EXOC6: variants seen among roughly 807,000 people sequenced by gnomAD.
EXOC6 encodes the protein exocyst complex component 6.
A neutral mutation model predicts 112.5 loss-of-function variants in EXOC6; 60 were observed. The observed-to-expected ratio is 0.53, with a 90% CI of 0.43 to 0.66. The LOEUF is 0.66. Ranked by LOEUF, EXOC6 falls within the 30% of genes least tolerant of loss-of-function variation. The pLI is 0.00. For missense variants in EXOC6, 855 were observed against 957.1 expected, an observed-to-expected ratio of 0.89 and a Z score of 1.41; for synonymous variants, 295 against 308.0, an observed-to-expected ratio of 0.96 and a Z score of 0.44.
chr10:92,976,342 T>A (rs1415853200), intron 18 of EXOC6, among the ~76,000 whole-genome samples: 1 of 152,218 alleles, frequency 6.6e-6, no homozygotes, highest in East Asian at 1.9e-4. Flanking sequence ...AAAATACTTA[T>A]CCTGTTGATC....
chr10:92,891,862 A>G (rs891188483), intron 1 of EXOC6, among the ~76,000 whole-genome samples: 11 of 152,298 alleles, frequency 7.2e-5, no homozygotes, highest in East Asian at 1.9e-4. Context: ...AAAACCTAAG[A>G]CAGAGGCTAC....
chr10:92,908,281 T>C lies in EXOC6; in HGVS notation c.459-1146T>C, dbSNP rs568052236. Reference sequence around the variant, plus strand: ...CATTGGCCAGGCTGGTCTCGAATTCTTGATCTCAGGTGACCCGCCCACCTT... The same window carrying C: ...CATTGGCCAGGCTGGTCTCGAATTCCTGATCTCAGGTGACCCGCCCACCTT... On this transcript the variant is annotated intron_variant, in intron 5 of 21. Coordinates refer to ENST00000260762, the MANE Select transcript of EXOC6 (RefSeq NM_019053.6). Among the ~76,000 whole-genome samples the C allele has an allele frequency of 3.9e-5, 6 of 152,036 alleles. No homozygotes were observed. The East Asian group carries it at 1.2e-3, about 30-fold the overall frequency.
intron 17 of EXOC6, among the ~76,000 whole-genome samples, chr10:92,956,717 TA>T (rs1247690655): frequency 6.6e-6 from 1 of 152,118 alleles, no homozygotes; most frequent in Non-Finnish European, 1.5e-5. Context: ...AATTAGCTAT[TA>T]AAACTTAGAA....
At chr10:92,827,703 C>T (rs1448210047) in intron 1 of EXOC6, among the ~76,000 whole-genome samples, 1 of 151,988 alleles carries the variant, frequency 6.6e-6, no homozygotes, top group East Asian at 1.9e-4. Context: ...CAGAAGATCC[C>T]CTCACAGACC....
At chr10:93,018,304 T>G (rs189586032) in intron 20 of EXOC6, among the ~76,000 whole-genome samples, 1,593 of 152,274 alleles carry the variant, frequency 0.01, 103 homozygotes, top group Admixed American at 0.092. Context: ...GGTGAATATG[T>G]TTTTTAAATG....
At chr10:92,932,197 G>A (rs1235829940) in intron 9 of EXOC6, among the ~76,000 whole-genome samples, 1 of 152,120 alleles carries the variant, frequency 6.6e-6, no homozygotes, top group Non-Finnish European at 1.5e-5. Context: ...TTCATATGCA[G>A]TAAAGTTATA....
intron 1 of EXOC6, among the ~76,000 whole-genome samples, chr10:92,836,925 T>C (rs1194629028): frequency 6.6e-6 from 1 of 152,234 alleles, no homozygotes; most frequent in Non-Finnish European, 1.5e-5. Context: ...CTCTTCTTTC[T>C]GCCTGCTAAA....
At chr10:92,991,530 T>C (rs1455875814) in intron 18 of EXOC6, among the ~76,000 whole-genome samples, 2 of 151,978 alleles carry the variant, frequency 1.3e-5, no homozygotes, top group African/African-American at 4.8e-5. Context: ...AGCTAAAAAT[T>C]TGGATACTGC....
intron 5 of EXOC6, among the ~76,000 whole-genome samples, chr10:92,907,976 A>G (rs990688744): frequency 6.6e-6 from 1 of 151,156 alleles, no homozygotes; most frequent in Non-Finnish European, 1.5e-5. Context: ...TTTTGTCACA[A>G]TTTGCAGAAT....
At chr10:92,877,894 A>AT (rs1477606740) in intron 1 of EXOC6, among the ~76,000 whole-genome samples, 1 of 152,216 alleles carries the variant, frequency 6.6e-6, no homozygotes, top group East Asian at 1.9e-4. Flanking sequence ...TACAAACCTC[A>AT]TGTTGCATAG....
At chr10:92,860,519 CCA>C (rs1473067805) in intron 1 of EXOC6, among the ~76,000 whole-genome samples, 10 of 152,122 alleles carry the variant, frequency 6.6e-5, no homozygotes, top group African/African-American at 2.2e-4. Context: ...CCTCGGCCTC[CCA>C]AAGTGCTGGG....
intron 18 of EXOC6, among the ~76,000 whole-genome samples, chr10:92,996,071 T>G (rs993218486): frequency 1.3e-5 from 2 of 152,288 alleles, no homozygotes; most frequent in Non-Finnish European, 2.9e-5. Flanking sequence ...TGGTCACGAT[T>G]TTGTAGCTTT....
chr10:92,950,623 A>G (rs1197479253), intron 14 of EXOC6, among the ~76,000 whole-genome samples: 1 of 148,894 alleles, frequency 6.7e-6, no homozygotes, highest in Admixed American at 8.1e-5. Flanking sequence ...AAGGCTGCAT[A>G]AAGGTCAAAG....
At chr10:92,968,181 C>T (rs1050252275) in intron 17 of EXOC6, among the ~76,000 whole-genome samples, 41 of 75,302 alleles carry the variant, frequency 5.4e-4, no homozygotes, top group Middle Eastern at 8.2e-3. Context: ...TAGTGTTTCA[C>T]CTTTTTTTTT....
At chr10:92,860,887 G>A (rs1003665669) in intron 1 of EXOC6, among the ~76,000 whole-genome samples, 1 of 150,780 alleles carries the variant, frequency 6.6e-6, no homozygotes, top group African/African-American at 2.5e-5. Flanking sequence ...TCCTCCTTTT[G>A]ACTATTGTGA....
intron 18 of EXOC6, among the ~76,000 whole-genome samples, chr10:92,979,451 C>G (rs1279589139): frequency 6.6e-6 from 1 of 152,160 alleles, no homozygotes; most frequent in Non-Finnish European, 1.5e-5. Flanking sequence ...TCTCTGCTCA[C>G]AGGACATGAG....
intron 14 of EXOC6, among the ~76,000 whole-genome samples, chr10:92,949,671 C>T (rs964756665): frequency 6.6e-6 from 1 of 151,534 alleles, no homozygotes; most frequent in African/African-American, 2.4e-5. Flanking sequence ...CGGCTTACTG[C>T]AACCTCTGCC....
At chr10:92,937,352 C>CAAT in intron 12 of EXOC6, among the ~76,000 whole-genome samples, 1 of 152,130 alleles carries the variant, frequency 6.6e-6, no homozygotes, top group East Asian at 1.9e-4. Flanking sequence ...GATTATGCAG[C>CAAT]ATTTTCCCAA....
intron 20 of EXOC6, among the ~76,000 whole-genome samples, chr10:93,018,872 AT>A (rs1044978915): frequency 1.3e-5 from 2 of 151,770 alleles, no homozygotes; most frequent in Non-Finnish European, 2.9e-5. Context: ...AATTAAAAAA[AT>A]AAAAGACCCT....
Sources: gnomAD v4.1 joint callset for allele counts (sites outside exome capture counted in the v4.1 genomes callset) on GRCh38, gnomAD v4.1.1 for gene constraint, MANE v1.5 for transcripts, NCBI Gene and HGNC (gene_info 2026-07-23, HGNC 2026-07-21) for gene names.